FSTL5: variants seen among roughly 807,000 people sequenced by gnomAD.
The protein encoded by FSTL5 is follistatin like 5, also known as follistatin-related protein 5.
A neutral mutation model predicts 89.1 loss-of-function variants in FSTL5; 62 were observed. The ratio of observed to expected loss-of-function variants is 0.70; its 90% confidence interval spans 0.57 to 0.86. The LOEUF (loss-of-function observed/expected upper bound fraction) is 0.86, where lower values mean the gene tolerates loss of function less well. FSTL5 is among the 40% of genes least tolerant of loss of function. The pLI, the probability that FSTL5 is intolerant of heterozygous loss-of-function variation, is 0.00. For synonymous variants in FSTL5, 383 were observed against 346.2 expected (o/e 1.11, Z -1.18); for missense variants, 1,057 against 1,001.6 (o/e 1.06, Z -0.75).
chr4:161,844,113 C>T (rs1195174683), intron 4 of FSTL5, among the ~76,000 whole-genome samples: 1 of 151,958 alleles, frequency 6.6e-6, no homozygotes, highest in Admixed American at 6.6e-5. Flanking sequence ...AAAACAACCC[C>T]ATCAAAAAGT....
chr4:161,878,462 A>G (rs1435079364), intron 4 of FSTL5, among the ~76,000 whole-genome samples: 1 of 152,242 alleles, frequency 6.6e-6, no homozygotes, highest in Middle Eastern at 3.4e-3. Context: ...TTCATATAAT[A>G]CCGCAGATCA....
At chr4:161,650,797 G>C (rs1466640216) in intron 7 of FSTL5, among the ~76,000 whole-genome samples, 1 of 152,102 alleles carries the variant, frequency 6.6e-6, no homozygotes, top group Non-Finnish European at 1.5e-5. Flanking sequence ...GTTGAATTTA[G>C]ACTGGACTAT....
intron 1 of FSTL5, among the ~76,000 whole-genome samples, chr4:162,161,836 ATATT>A (rs1733708545): frequency 6.6e-6 from 1 of 152,072 alleles, no homozygotes; most frequent in Non-Finnish European, 1.5e-5. Flanking sequence ...CACAGCCTAA[ATATT>A]TATACCAACA....
intron 11 of FSTL5, among the ~76,000 whole-genome samples, chr4:161,507,448 A>T (rs1398443097): frequency 6.6e-6 from 1 of 151,776 alleles, no homozygotes; most frequent in Non-Finnish European, 1.5e-5. Flanking sequence ...TAGTAAAACT[A>T]CTTTTCAGTA....
chr4:161,954,764 A>G (rs940562307), intron 3 of FSTL5, among the ~76,000 whole-genome samples: 1 of 151,678 alleles, frequency 6.6e-6, no homozygotes. Context: ...CAAAATCACT[A>G]AACACAGAAC....
intron 2 of FSTL5, among the ~76,000 whole-genome samples, chr4:162,061,988 G>A (rs1738732534): frequency 6.6e-6 from 1 of 151,958 alleles, no homozygotes; most frequent in African/African-American, 2.4e-5. Context: ...ATGTTTTAAA[G>A]TGTTAAATAA....
chr4:162,129,982 T>C (rs1335074047), intron 1 of FSTL5, among the ~76,000 whole-genome samples: 1 of 152,096 alleles, frequency 6.6e-6, no homozygotes, highest in East Asian at 1.9e-4. Flanking sequence ...GACAACACAG[T>C]GAGATTACAA....
intron 6 of FSTL5, among the ~76,000 whole-genome samples, chr4:161,714,867 A>T (rs763256454): frequency 1.3e-5 from 2 of 152,134 alleles, no homozygotes; most frequent in Non-Finnish European, 2.9e-5. Flanking sequence ...TCTCTATCCT[A>T]TATGTACTAG....
chr4:161,421,870 C>T (rs980752346), intron 15 of FSTL5, among the ~76,000 whole-genome samples: 1 of 152,290 alleles, frequency 6.6e-6, no homozygotes, highest in Non-Finnish European at 1.5e-5. Flanking sequence ...CCTACACCAT[C>T]AGCTTTCTAG....
chr4:161,836,239 G>A (rs1211788428), intron 4 of FSTL5, among the ~76,000 whole-genome samples: 1 of 142,862 alleles, frequency 7.0e-6, no homozygotes, highest in East Asian at 2.1e-4. Flanking sequence ...TCACTCATAG[G>A]TGGGAATTGA....
intron 4 of FSTL5, among the ~76,000 whole-genome samples, chr4:161,808,261 A>T (rs748016151): frequency 3.1e-4 from 47 of 152,132 alleles, no homozygotes; most frequent in Non-Finnish European, 2.5e-4. Context: ...TTAGACAGGG[A>T]TTTCTAAAAA....
At chr4:161,774,686 A>C (rs556870369) in intron 5 of FSTL5, among the ~76,000 whole-genome samples, 10 of 147,292 alleles carry the variant, frequency 6.8e-5, no homozygotes, top group East Asian at 2.0e-4. Context: ...TGAAAAAAAA[A>C]CTCTCAAAAT....
rs780936186 is a variant in FSTL5, at chr4:162,111,293, G to C, written c.104C>G (p.Pro35Arg). ...TACCTTATGTCGCAATCTCATTAGAGGCTGATAGGATTTAAGGCCATATCC... is the reference window on the plus strand; with the variant it reads ...TACCTTATGTCGCAATCTCATTAGACGCTGATAGGATTTAAGGCCATATCC... ...EGGYGLKSYQPLMRLRHKQEK... is the reference protein window; with the variant it reads ...EGGYGLKSYQRLMRLRHKQEK... Residue 35 changes from proline to arginine, a missense_variant, in exon 2 of 16, where the codon CCT (proline) becomes CGT (arginine). By Grantham distance (103) the Pro-to-Arg change is moderately radical (BLOSUM62 -2). This residue lies in a region of FSTL5 where 980 missense variants were observed against 903.2 expected (regional missense o/e 1.08). Transcript: ENST00000306100. 5.6e-6 allele frequency: 9 copies of C among 1,611,042 alleles called. No homozygotes were observed. In the East Asian group the frequency reaches 2.0e-4, roughly 36 times the overall value.
chr4:161,956,732 T>A (rs998573541), intron 3 of FSTL5, among the ~76,000 whole-genome samples: 1 of 151,994 alleles, frequency 6.6e-6, no homozygotes, highest in African/African-American at 2.4e-5. Context: ...GCTGAAACTC[T>A]CTATTAAAAA....
intron 7 of FSTL5, among the ~76,000 whole-genome samples, chr4:161,589,962 A>G (rs1460602746): frequency 6.6e-6 from 1 of 152,124 alleles, no homozygotes; most frequent in South Asian, 2.1e-4. Context: ...AAACAGAGAT[A>G]GGAAACCTCA....
chr4:161,922,455 T>G (rs992781233), intron 3 of FSTL5, among the ~76,000 whole-genome samples: 2 of 152,074 alleles, frequency 1.3e-5, no homozygotes, highest in Non-Finnish European at 2.9e-5. Context: ...TTTGGAAAAT[T>G]TATGTAATGC....
chr4:161,642,772 A>C (rs1736008560), intron 7 of FSTL5, among the ~76,000 whole-genome samples: 2 of 148,284 alleles, frequency 1.3e-5, no homozygotes, highest in South Asian at 4.4e-4. Flanking sequence ...AGAAAGCAGC[A>C]TGGTGGTTCC....
At chr4:161,982,893 T>C (rs1367352130) in intron 3 of FSTL5, among the ~76,000 whole-genome samples, 1 of 152,180 alleles carries the variant, frequency 6.6e-6, no homozygotes, top group Non-Finnish European at 1.5e-5. Context: ...TGACACTTGA[T>C]ACAATTGAAC....
chr4:161,780,781 T>C (rs1741637368), intron 4 of FSTL5, among the ~76,000 whole-genome samples: 1 of 152,200 alleles, frequency 6.6e-6, no homozygotes, highest in Non-Finnish European at 1.5e-5. Flanking sequence ...TTTGAGTACA[T>C]GATAAGTGCT....
Sources: gnomAD v4.1 joint callset for allele counts (sites outside exome capture counted in the v4.1 genomes callset) on GRCh38, gnomAD v4.1.1 for gene constraint, gnomAD v4.1.1 regional missense constraint, MANE v1.5 for transcripts, NCBI Gene and HGNC (gene_info 2026-07-23, HGNC 2026-07-21) for gene names.